CYB5B: variants seen among roughly 807,000 people sequenced by gnomAD.
The protein encoded by CYB5B is cytochrome b5 type B, also known as cytochrome b5 type B (outer mitochondrial membrane).
In CYB5B, 14 loss-of-function variants were observed where a neutral mutation model predicts 21.3. That is an observed-to-expected ratio of 0.66 (90% CI 0.43 to 1.03). The LOEUF is 1.03. CYB5B is among the 50% of genes least tolerant of loss of function. The pLI is 0.00. For missense variants in CYB5B, 166 were observed against 185.1 expected (o/e 0.90, Z 0.60); for synonymous variants, 69 against 68.4 (o/e 1.01, Z -0.04).
At chr16:69,458,524 C>A (rs1337693817) in intron 3 of CYB5B, among the ~76,000 whole-genome samples, 2 of 151,986 alleles carry the variant, frequency 1.3e-5, no homozygotes, top group Non-Finnish European at 2.9e-5. Flanking sequence ...TTATCATTTT[C>A]TTTCCCTTGA....
intron 1 of CYB5B, among the ~76,000 whole-genome samples, chr16:69,436,716 G>A (rs246145): frequency 0.7 from 106,910 of 152,048 alleles, 38,067 homozygotes; most frequent in Middle Eastern, 0.81. Context: ...TAATGTTTCT[G>A]GATTTCATTT....
chr16:69,433,880 C>T (rs552323009), intron 1 of CYB5B, among the ~76,000 whole-genome samples: 1 of 152,216 alleles, frequency 6.6e-6, no homozygotes, highest in Non-Finnish European at 1.5e-5. Flanking sequence ...TAGCCTGCTA[C>T]ACACCTTAGC....
intron 3 of CYB5B, among the ~76,000 whole-genome samples, chr16:69,452,151 A>C (rs76383598): frequency 0.028 from 4,193 of 151,462 alleles, 86 homozygotes; most frequent in East Asian, 0.063. Flanking sequence ...GCGGTGGCTC[A>C]AGCCTGTAAT....
chr16:69,458,230 A>G (rs190702538), intron 3 of CYB5B, among the ~76,000 whole-genome samples: 15 of 152,272 alleles, frequency 9.9e-5, no homozygotes, highest in South Asian at 2.1e-4. Flanking sequence ...TGTGCAGTCT[A>G]TTTTAGAACA....
Position 69,462,631 on chromosome 16 carries a change from C to A in CYB5B, c.*111C>A, listed in dbSNP as rs761664954. On this transcript the variant is annotated 3_prime_UTR_variant, in exon 5 of 5. Transcript: ENST00000307892. ...CGAATCCTGCCAGTTGCATTCTTCCCCCTTGGAGCCAAGACGATTGGCCAG... is the reference window on the plus strand; with the variant it reads ...CGAATCCTGCCAGTTGCATTCTTCCACCTTGGAGCCAAGACGATTGGCCAG... 1.9e-5 allele frequency: 16 copies of A among 858,478 alleles called. No homozygotes were observed. Among genetic ancestry groups the A allele is most frequent in the Non-Finnish European group, 3.0e-5 (16 of 524,898 alleles). 53.2% of individuals were successfully genotyped at this position (858,478 alleles called of 1,614,324 possible).
chr16:69,459,338 G>A (rs2015011673), intron 4 of CYB5B: 1 of 520,158 alleles, frequency 1.9e-6, no homozygotes, highest in Non-Finnish European at 3.2e-6. Flanking sequence ...CATGCCTTGA[G>A]TCATTTTTTA....
chr16:69,430,114 A>G (rs886555512), intron 1 of CYB5B, among the ~76,000 whole-genome samples: 1 of 152,234 alleles, frequency 6.6e-6, no homozygotes, highest in African/African-American at 2.4e-5. Flanking sequence ...AAAATCACAT[A>G]AAAATGATTG....
rs1567477368 is a variant in CYB5B, at chr16:69,464,282, T to A, written c.*1762T>A. On this transcript the variant is annotated 3_prime_UTR_variant, in exon 5 of 5. Transcript: ENST00000307892. ...TATATTTGGGAGTAATTTTAGGAGA[T>A]TTCTGGCTGACTTTTATTATCAGGG... 1.3e-5 allele frequency: 2 copies of A among 152,252 alleles called. No individual in the cohort carries two copies. Among genetic ancestry groups the A allele is most frequent in the Non-Finnish European group, 2.9e-5 (2 of 68,042 alleles). 9.4% of individuals were successfully genotyped at this position (152,252 alleles called of 1,614,324 possible). A position where few individuals can be genotyped will look rare whatever the true frequency, so the allele number is the denominator to read the frequency against.
intron 1 of CYB5B, among the ~76,000 whole-genome samples, chr16:69,425,980 T>TAA (rs2014641223): frequency 6.6e-6 from 1 of 152,262 alleles, no homozygotes. Context: ...TAAAAACTTT[T>TAA]AAAATTTAAA....
intron 3 of CYB5B, 66 bp from the exon 4 acceptor site, chr16:69,459,027 A>G (rs1270579056): frequency 2.1e-6 from 3 of 1,423,390 alleles, no homozygotes; most frequent in South Asian, 1.3e-5. Flanking sequence ...GAAAATGTAC[A>G]TGTGCTATGT....
At chr16:69,436,046 G>A (rs1267986220) in intron 1 of CYB5B, among the ~76,000 whole-genome samples, 1 of 152,200 alleles carries the variant, frequency 6.6e-6, no homozygotes, top group Non-Finnish European at 1.5e-5. Context: ...CTCTATCACT[G>A]CCCAGGTGAG....
In CYB5B at chr16:69,431,697, A is replaced by G. The variant is rs566031046; in HGVS notation, c.174+6840A>G. Among the ~76,000 whole-genome samples, 14 of 152,258 alleles carry G rather than the reference A, an allele frequency of 9.2e-5. No homozygotes were observed. In the South Asian group the frequency reaches 2.3e-3, roughly 25 times the overall value. ...AGGGGTGGGAGAAGGGCTTGAGGCC[A>G]GGACATCGAGGCTGCAGTGAGCCGA... On this transcript the variant is annotated intron_variant, in intron 1 of 4. Coordinates refer to ENST00000307892, the MANE Select transcript of CYB5B (RefSeq NM_030579.3).
chr16:69,450,490 T>A (rs2014921856), intron 3 of CYB5B, among the ~76,000 whole-genome samples: 1 of 152,202 alleles, frequency 6.6e-6, no homozygotes, highest in African/African-American at 2.4e-5. Flanking sequence ...TTCAGGCAGA[T>A]CAGGCAAGAA....
chr16:69,433,327 C>T (rs1373247579), intron 1 of CYB5B, among the ~76,000 whole-genome samples: 2 of 152,144 alleles, frequency 1.3e-5, no homozygotes, highest in South Asian at 4.1e-4. Flanking sequence ...GCCACCTTCC[C>T]CTCTGCCCAG....
intron 3 of CYB5B, 108 bp downstream of exon 3, chr16:69,448,252 T>C (rs2014897490): frequency 7.6e-7 from 1 of 1,317,354 alleles, no homozygotes; most frequent in African/African-American, 1.5e-5. Context: ...ATTTACTTTT[T>C]CCCCAAGCAA....
intron 4 of CYB5B, among the ~76,000 whole-genome samples, chr16:69,461,416 C>G (rs761503372): frequency 1.2e-4 from 18 of 152,160 alleles, no homozygotes; most frequent in Non-Finnish European, 2.5e-4. Flanking sequence ...GGCTGATATT[C>G]TAAACTAGTC....
At chr16:69,462,223 G>A (rs1248175554) in intron 4 of CYB5B, among the ~76,000 whole-genome samples, 1 of 152,006 alleles carries the variant, frequency 6.6e-6, no homozygotes, top group Non-Finnish European at 1.5e-5. Flanking sequence ...CATACTATTG[G>A]TTGTTTTTAA....
chr16:69,448,226 A>C (rs778375476), intron 3 of CYB5B, 82 bp downstream of exon 3: 1 of 1,493,032 alleles, frequency 6.7e-7, no homozygotes, highest in Admixed American at 1.9e-5. Flanking sequence ...TTTCTTAACA[A>C]GAGAAGTTAC....
At chr16:69,433,896 G>T (rs927496550) in intron 1 of CYB5B, among the ~76,000 whole-genome samples, 2 of 152,116 alleles carry the variant, frequency 1.3e-5, no homozygotes, top group African/African-American at 4.8e-5. Context: ...TTAGCTGTAC[G>T]GTATAGTCTC....
Sources: allele counts gnomAD v4.1 joint callset (sites outside exome capture counted in the v4.1 genomes callset), GRCh38; gene constraint gnomAD v4.1.1; transcripts MANE v1.5; gene names NCBI Gene and HGNC (gene_info 2026-07-23, HGNC 2026-07-21).